Variants in SFXN4 observed in about 807,000 individuals in gnomAD.
SFXN4 encodes sideroflexin-4.
A neutral mutation model predicts 54.6 loss-of-function variants in SFXN4; 48 were observed. The observed-to-expected ratio is 0.88, with a 90% confidence interval of 0.70 to 1.12. The LOEUF is 1.12. SFXN4 is among the 50% of genes most tolerant of loss of function. SFXN4 has a pLI of 0.00. For missense variants in SFXN4, 383 were observed against 409.2 expected (o/e 0.94, Z 0.55); for synonymous variants, 130 against 145.5 (o/e 0.89, Z 0.77).
At chr10:119,157,972 C>G (rs2133612136) in intron 7 of SFXN4, 37 bp downstream of exon 7, 15 of 1,614,098 alleles carry the variant, frequency 9.3e-6, no homozygotes, top group Non-Finnish European at 1.3e-5. Flanking sequence ...TCAAGCATAA[C>G]AGAATTTAGT....
chr10:119,158,982 T>A (rs560077127), intron 6 of SFXN4, among the ~76,000 whole-genome samples: 4 of 136,278 alleles, frequency 2.9e-5, no homozygotes, highest in East Asian at 4.4e-4. Flanking sequence ...GACCCTATTT[T>A]AAAAAACAAA....
At chr10:119,155,478 T>TC (rs1250994597) in intron 10 of SFXN4, among the ~76,000 whole-genome samples, 1 of 151,596 alleles carries the variant, frequency 6.6e-6, no homozygotes, top group Non-Finnish European at 1.5e-5. Flanking sequence ...GGAAACATAT[T>TC]CCTCCCTCGT....
chr10:119,149,494 A>G (rs1476201381), intron 11 of SFXN4, among the ~76,000 whole-genome samples: 1 of 152,174 alleles, frequency 6.6e-6, no homozygotes, highest in East Asian at 1.9e-4. Context: ...TCATGCTTAT[A>G]ATCCCAACAC....
At position 119,141,128 on chromosome 10, in the gene SFXN4, C is replaced by A; in HGVS notation, c.*114G>T. ...AGTATGGAATCTGAAGTCGCCTTGT[C>A]AGCACAGACACCTCTGGGGTCCCCA... On this transcript the variant is annotated 3_prime_UTR_variant, in exon 14 of 14. Coordinates refer to ENST00000355697, the MANE Select transcript of SFXN4 (RefSeq NM_213649.2). 1.4e-6 allele frequency: 1 copy of A among 690,770 alleles called. No individual in the cohort carries two copies. The highest frequency in any genetic ancestry group is 2.5e-6 in the Non-Finnish European group (1 of 398,190). The allele number at this position is 690,770 out of a possible 1,614,324, so 42.8% of individuals were successfully genotyped here.
intron 5 of SFXN4, among the ~76,000 whole-genome samples, chr10:119,160,614 A>G (rs368681033): frequency 3.3e-5 from 4 of 119,536 alleles, no homozygotes; most frequent in African/African-American, 1.3e-4. Flanking sequence ...TTGGACACGG[A>G]GTTTCACTCT....
At chr10:119,141,676 T>G (rs1846530380) in intron 13 of SFXN4, among the ~76,000 whole-genome samples, 3 of 151,908 alleles carry the variant, frequency 2.0e-5, no homozygotes. Context: ...ACCACCATCC[T>G]TGGCCCATTA....
At chr10:119,144,484 A>G (rs1846700407) in intron 13 of SFXN4, among the ~76,000 whole-genome samples, 1 of 152,256 alleles carries the variant, frequency 6.6e-6, no homozygotes, top group South Asian at 2.1e-4. Flanking sequence ...AATATCTGCT[A>G]GCATCAGTAA....
At position 119,141,288 on chromosome 10, in the gene SFXN4, T is replaced by A; in HGVS notation, c.968A>T (p.Gln323Leu). 6.2e-7 allele frequency: 1 copy of A among 1,610,880 alleles called. No homozygotes were observed. Among genetic ancestry groups the A allele is most frequent in the Non-Finnish European group, 8.5e-7 (1 of 1,177,136 alleles). The change falls in exon 14 of 14, where the codon CAG becomes CTG. Residue 323 changes from glutamine to leucine, a missense_variant. Transcript: ENST00000355697. ...GATTTCTGTTTCTTCTGTTGGAGAC[T>A]GAATTTTCTCTTCAAGACTACAGTA... ...IQYCSLEEKI[Q>L]SPTEETEIFY...
intron 10 of SFXN4, among the ~76,000 whole-genome samples, chr10:119,156,436 A>G (rs1847282380): frequency 6.6e-6 from 1 of 152,182 alleles, no homozygotes; most frequent in Non-Finnish European, 1.5e-5. Context: ...CTCAAGAAAA[A>G]AAATGTAATT....
chr10:119,149,472 G>A (rs954227058), intron 11 of SFXN4, among the ~76,000 whole-genome samples: 5 of 152,146 alleles, frequency 3.3e-5, no homozygotes, highest in Non-Finnish European at 7.3e-5. Context: ...CTTAAGGGCC[G>A]GGCACGGTGG....
chr10:119,150,847 T>C (rs1003445388), intron 11 of SFXN4, among the ~76,000 whole-genome samples: 3 of 152,116 alleles, frequency 2.0e-5, no homozygotes, highest in African/African-American at 7.2e-5. Context: ...GCCTGATTCA[T>C]AATAACCCAA....
intron 11 of SFXN4, among the ~76,000 whole-genome samples, chr10:119,149,012 G>C (rs78906974): frequency 6.6e-6 from 1 of 151,976 alleles, no homozygotes; most frequent in Non-Finnish European, 1.5e-5. Flanking sequence ...TTAGCCTCCC[G>C]AGTAGCCAGG....
chr10:119,141,067 T>A lies in SFXN4; in HGVS notation c.*175A>T. 1 of 518,940 alleles carries A rather than the reference T, an allele frequency of 1.9e-6. No individual in the cohort carries two copies. The allele number at this position is 518,940 out of a possible 1,614,324, so 32.1% of individuals were successfully genotyped here. On this transcript the variant is annotated 3_prime_UTR_variant, in exon 14 of 14. Transcript: ENST00000355697. ...TCCCACTGTCTTCTCCAGCCAGCCT[T>A]AAAAACCCCAGAGACGCCAGCCTGG...
chr10:119,159,360 G>A (rs1463538355), intron 6 of SFXN4, among the ~76,000 whole-genome samples: 2 of 152,204 alleles, frequency 1.3e-5, no homozygotes, highest in African/African-American at 4.8e-5. Flanking sequence ...ACAATGCCAG[G>A]TCCCAGGTGA....
intron 11 of SFXN4, among the ~76,000 whole-genome samples, chr10:119,150,498 G>A (rs562173428): frequency 5.9e-5 from 9 of 152,096 alleles, no homozygotes; most frequent in Middle Eastern, 6.8e-3. Flanking sequence ...GCAACATAGC[G>A]AGACCCCATC....
At chr10:119,141,859 A>G (rs963229783) in intron 13 of SFXN4, among the ~76,000 whole-genome samples, 9 of 152,102 alleles carry the variant, frequency 5.9e-5, no homozygotes, top group Non-Finnish European at 1.2e-4. Context: ...TGGTACAAAA[A>G]ATACAAAAAT....
Position 119,165,677 on chromosome 10 carries a change from C to T in SFXN4, c.-30G>A, listed in dbSNP as rs1260197985. Reference sequence around the variant, plus strand: ...CGCTGGTTAGAGTGGCCGCCGCCGCCAGGCCGCGCGTGGAGGAGGAGCCGG... The same window carrying T: ...CGCTGGTTAGAGTGGCCGCCGCCGCTAGGCCGCGCGTGGAGGAGGAGCCGG... On this transcript the variant is annotated 5_prime_UTR_variant, in exon 1 of 14. Transcript: ENST00000355697. 9.9e-6 allele frequency: 15 copies of T among 1,513,658 alleles called. No homozygotes were observed. The highest frequency in any genetic ancestry group is 1.4e-5 in the African/African-American group (1 of 69,380). 93.8% of individuals were successfully genotyped at this position (1,513,658 alleles called of 1,614,324 possible). A position where few individuals can be genotyped will look rare whatever the true frequency, so the allele number is the denominator to read the frequency against.
rs776954967 is a variant in SFXN4, at chr10:119,164,204, G to A, written c.112-8C>T. ...AAATCGTCGAATAAAGGACTTAGGAGGGAGAAAAGCAACAGAGAGGTTAAT... is the reference window on the plus strand; with the variant it reads ...AAATCGTCGAATAAAGGACTTAGGAAGGAGAAAAGCAACAGAGAGGTTAAT... On this transcript the variant is annotated splice_polypyrimidine_tract_variant and splice_region_variant and intron_variant, in intron 1 of 13. Coordinates refer to ENST00000355697, the MANE Select transcript of SFXN4 (RefSeq NM_213649.2). 3.2e-6 allele frequency: 5 copies of A among 1,558,586 alleles called. No individual in the cohort carries two copies. The East Asian group carries it at 6.8e-5, about 21-fold the overall frequency.
intron 11 of SFXN4, among the ~76,000 whole-genome samples, chr10:119,148,492 G>T (rs1352480860): frequency 6.6e-6 from 1 of 152,064 alleles, no homozygotes; most frequent in Non-Finnish European, 1.5e-5. Flanking sequence ...ACAGAGGTTT[G>T]CTCCGTATTT....
Sources: allele counts gnomAD v4.1 joint callset (sites outside exome capture counted in the v4.1 genomes callset), GRCh38; gene constraint gnomAD v4.1.1; transcripts MANE v1.5; gene names NCBI Gene and HGNC (gene_info 2026-07-23, HGNC 2026-07-21).